Variants in FAM83H observed in about 807,000 individuals in gnomAD.
FAM83H encodes scaffolding CK1 anchoring protein H, also known as protein FAM83H.
FAM83H carries 24 observed loss-of-function variants against 30.2 expected under a neutral mutation model. The ratio of observed to expected loss-of-function variants is 0.79; its 90% CI spans 0.57 to 1.12. The LOEUF (loss-of-function observed/expected upper bound fraction) is 1.12. Among genes scored for constraint, FAM83H ranks in the 50% most tolerant of loss-of-function variants. FAM83H has a pLI of 0.00. For missense variants in FAM83H, 2,038 were observed against 1,773.9 expected, an observed-to-expected ratio of 1.15 and a Z score of -2.67; for synonymous variants, 1,013 against 821.7, an observed-to-expected ratio of 1.23 and a Z score of -3.98.
chr8:143,727,934 G>A lies in FAM83H; in HGVS notation c.1527C>T (p.Asp509=), dbSNP rs1554622980. ...ELGPDGHQRL[D]YVPSSASREV... ...CGCGGGACGCGCTGGACGGCACGTA[G>A]TCCAGCCGCTGGTGCCCGTCGGGTC... Residue 509 remains aspartate, a synonymous_variant, in exon 5 of 5, where the codon GAC becomes GAT. Coordinates refer to ENST00000388913, the MANE Select transcript of FAM83H (RefSeq NM_198488.5). The A allele has an allele frequency of 1.9e-6, 3 of 1,540,666 alleles. No individual in the cohort carries two copies. In the South Asian group the frequency reaches 3.5e-5, roughly 18 times the overall value.
intron 2 of FAM83H, 66 bp downstream of exon 2, chr8:143,730,070 C>A: frequency 7.3e-7 from 1 of 1,368,640 alleles, no homozygotes; most frequent in Non-Finnish European, 9.7e-7. Flanking sequence ...GCTCATGCAT[C>A]TCCTCCACCC....
In FAM83H at chr8:143,726,415, C is replaced by A; in HGVS notation, c.3046G>T (p.Glu1016Ter). ...GACAGGCGCGCCCGCGGACCCCGCTCTTCTGTGGCAGCCTCCGTGCTGTCA... is the reference window on the plus strand; with the variant it reads ...GACAGGCGCGCCCGCGGACCCCGCTATTCTGTGGCAGCCTCCGTGCTGTCA... ...QGDSTEAATE[E>*]RGPRARLSSA... Residue 1016 changes from glutamate to a stop codon, truncating the protein, a stop_gained, in exon 5 of 5, where the codon GAG becomes TAG. Coordinates refer to ENST00000388913, the MANE Select transcript of FAM83H (RefSeq NM_198488.5). LOFTEE classifies it high-confidence loss of function. The A allele has an allele frequency of 6.2e-7, 1 of 1,604,866 alleles. No individual in the cohort carries two copies.
chr8:143,731,706 C>T (rs1818527121), intron 1 of FAM83H: 17 of 985,494 alleles, frequency 1.7e-5, no homozygotes, highest in Non-Finnish European at 2.0e-5. Flanking sequence ...ATCTGGCTCT[C>T]CACTTGCTCA....
Position 143,725,762 on chromosome 8 carries a change from C to G in FAM83H, c.*159G>C. 2 of 1,298,146 alleles carry G rather than the reference C, an allele frequency of 1.5e-6. No homozygotes were observed. Among genetic ancestry groups the G allele is most frequent in the Non-Finnish European group, 2.1e-6 (2 of 953,526 alleles). The allele number at this position is 1,298,146 out of a possible 1,614,324, so 80.4% of individuals were successfully genotyped here. A position where few individuals can be genotyped will look rare whatever the true frequency, so the allele number is the denominator to read the frequency against. ...AGACGGCAGCTGCCAGGTGAGCCTC[C>G]AGTGGAGCCGAGGTCTGGCGCACTC... is the stretch of plus-strand genomic sequence containing the variant. On this transcript the variant is annotated 3_prime_UTR_variant, in exon 5 of 5. Transcript: ENST00000388913.
rs782059434 is a variant in FAM83H, at chr8:143,728,123, G to T, written c.1338C>A (p.Ser446Arg). Residue 446 changes from serine to arginine, a missense_variant, in exon 5 of 5, where the codon AGC (serine) becomes AGA (arginine). Transcript: ENST00000388913. ...SHGDDFRFQT[S>R]HFHRDQLYQQ... ...GGTAGAGCTGGTCACGGTGGAAGTG[G>T]CTGGTCTGGAAGCGGAAGTCGTCGC... is the stretch of plus-strand genomic sequence containing the variant. 2 of 1,610,692 alleles carry T rather than the reference G, an allele frequency of 1.2e-6. No individual in the cohort carries two copies. The highest frequency in any genetic ancestry group is 1.1e-5 in the South Asian group (1 of 91,034).
chr8:143,730,331 G>T lies in FAM83H; in HGVS notation c.252C>A (p.Leu84=), dbSNP rs782631452. 1.9e-6 allele frequency: 3 copies of T among 1,613,672 alleles called. No individual in the cohort carries two copies. Among genetic ancestry groups the T allele is most frequent in the Non-Finnish European group, 1.7e-6 (2 of 1,180,040 alleles). ...VTREPPEGSL[L]DVDMDGSSGT... is the part of the protein sequence containing the mutation. ...CCGAGGAGCCATCCATGTCCACGTC[G>T]AGAAGGCTGCCTTCAGGTGGCTCTC... is the stretch of plus-strand genomic sequence containing the variant. Residue 84 remains leucine (L), a synonymous_variant, in exon 2 of 5, where the codon CTC becomes CTA. Coordinates refer to ENST00000388913, the MANE Select transcript of FAM83H (RefSeq NM_198488.5).
chr8:143,726,067 C>A lies in FAM83H; in HGVS notation c.3394G>T (p.Val1132Leu). The change falls in exon 5 of 5, where the codon GTG (valine) becomes TTG (leucine). Residue 1132 changes from valine (V) to leucine (L), a missense_variant. Coordinates refer to ENST00000388913, the MANE Select transcript of FAM83H (RefSeq NM_198488.5). Reference sequence around the variant, plus strand: ...CAGAAGACCTCGAAGCGGCTGTACACGCGCTTCTCCTTGCGCATGCTCTCC... The same window carrying A: ...CAGAAGACCTCGAAGCGGCTGTACAAGCGCTTCTCCTTGCGCATGCTCTCC... ...RMESMRKEKRVYSRFEVFCKK... is the reference protein window; with the variant it reads ...RMESMRKEKRLYSRFEVFCKK... The A allele has an allele frequency of 6.2e-7, 1 of 1,612,208 alleles. No homozygotes were observed. Among genetic ancestry groups the A allele is most frequent in the Non-Finnish European group, 8.5e-7 (1 of 1,179,718 alleles).
In FAM83H at chr8:143,726,634, C is replaced by G; in HGVS notation, c.2827G>C (p.Gly943Arg). 1.9e-6 allele frequency: 3 copies of G among 1,598,450 alleles called. No homozygotes were observed. The highest frequency in any genetic ancestry group is 2.5e-6 in the Non-Finnish European group (3 of 1,177,822). Reference protein sequence around the residue: ...RRGSLTLTISGESPKAGPAEE... With the variant: ...RRGSLTLTISRESPKAGPAEE... ...GCGGGCCCGGCCTTCGGGGACTCCC[C>G]GGAGATGGTAAGGGTGAGGCTGCCC... The change falls in exon 5 of 5, where the codon GGG becomes CGG. Residue 943 changes from glycine to arginine, a missense_variant. Coordinates refer to ENST00000388913, the MANE Select transcript of FAM83H (RefSeq NM_198488.5).
rs953340467 is a variant in FAM83H, at chr8:143,730,474, C to T, written c.109G>A (p.Glu37Lys). 6.2e-6 allele frequency: 10 copies of T among 1,609,716 alleles called. No homozygotes were observed. The highest frequency in any genetic ancestry group is 1.7e-4 in the Middle Eastern group (1 of 6,040). ...CGGCTGTAGGCCTCCGAGCCACCCT[C>T]GGCCAGTGCATCCACCGCCAGGCGG... is the stretch of plus-strand genomic sequence containing the variant. ...YYRLAVDALAEGGSEAYSRFL... is the reference protein window; with the variant it reads ...YYRLAVDALAKGGSEAYSRFL... The change falls in exon 2 of 5, where the codon GAG becomes AAG. Residue 37 changes from glutamate to lysine, a missense_variant. Glu to Lys is a moderately conservative substitution (Grantham distance 56, BLOSUM62 1). Transcript: ENST00000388913.
chr8:143,730,604 G>A lies in FAM83H; in HGVS notation c.-15-7C>T, dbSNP rs781832052. ...CCATGTTGGGGCCAGGGGCCTGGAG[G>A]GGCAGGGAGACACATGACTAGGGGT... is the stretch of plus-strand genomic sequence containing the variant. On this transcript the variant is annotated splice_region_variant and splice_polypyrimidine_tract_variant and intron_variant, in intron 1 of 4. Coordinates refer to ENST00000388913, the MANE Select transcript of FAM83H (RefSeq NM_198488.5). The A allele has an allele frequency of 2.6e-6, 4 of 1,517,680 alleles. No individual in the cohort carries two copies. The highest frequency in any genetic ancestry group is 2.8e-5 in the African/African-American group (2 of 72,632). The allele number at this position is 1,517,680 out of a possible 1,614,324, so 94.0% of individuals were successfully genotyped here.
rs1252497581 is a variant in FAM83H at position 143,727,199 on chromosome 8, G to A, written c.2262C>T (p.Ala754=). ...CCTTGCTGTGGCTGGCAACGGTGAT[G>A]GCGCCCGCGCCGCCGCCGGGATCAC... is the stretch of plus-strand genomic sequence containing the variant. ...PARDPGGGAG[A]ITVASHSKAV... Residue 754 remains alanine (A), a synonymous_variant, in exon 5 of 5, where the codon GCC becomes GCT. Transcript: ENST00000388913. 1 of 1,533,212 alleles carries A rather than the reference G, an allele frequency of 6.5e-7. No homozygotes were observed. Among genetic ancestry groups the A allele is most frequent in the Admixed American group, 2.0e-5 (1 of 50,852 alleles). 95.0% of individuals were successfully genotyped at this position (1,533,212 alleles called of 1,614,324 possible).
chr8:143,727,341 T>A lies in FAM83H; in HGVS notation c.2120A>T (p.Gln707Leu), dbSNP rs1554622509. 1 of 1,565,690 alleles carries A rather than the reference T, an allele frequency of 6.4e-7. No homozygotes were observed. The highest frequency in any genetic ancestry group is 2.3e-5 in the East Asian group (1 of 43,230). Reference sequence around the variant, plus strand: ...GACCGTCTGCTCCTTGTGCAGCAGCTGCACCTTCTCAGTGGCCGCCGCAGC... The same window carrying A: ...GACCGTCTGCTCCTTGTGCAGCAGCAGCACCTTCTCAGTGGCCGCCGCAGC... ...AGAAAATEKV[Q>L]LLHKEQTVSE... The change falls in exon 5 of 5, where the codon CAG becomes CTG. Residue 707 changes from glutamine (Q) to leucine (L), a missense_variant. Gln to Leu is a moderately radical substitution (Grantham distance 113, BLOSUM62 -2). Coordinates refer to ENST00000388913, the MANE Select transcript of FAM83H (RefSeq NM_198488.5).
In FAM83H at chr8:143,726,408, C is replaced by T. The variant is rs781992350; in HGVS notation, c.3053G>A (p.Gly1018Asp). ...DSTEAATEER[G>D]PRARLSSATA... ...GGCTGAGGACAGGCGCGCCCGCGGA[C>T]CCCGCTCTTCTGTGGCAGCCTCCGT... Residue 1018 changes from glycine (G) to aspartate (D), a missense_variant, in exon 5 of 5, where the codon GGT (glycine) becomes GAT (aspartate). Gly to Asp is a moderately conservative substitution (Grantham distance 94). Coordinates refer to ENST00000388913, the MANE Select transcript of FAM83H (RefSeq NM_198488.5). 5 of 1,605,232 alleles carry T rather than the reference C, an allele frequency of 3.1e-6. No homozygotes were observed. Among genetic ancestry groups the T allele is most frequent in the African/African-American group, 1.3e-5 (1 of 74,822 alleles).
chr8:143,733,764 C>A lies in FAM83H; in HGVS notation c.-89G>T. ...CCGCCCAGCGGCCTCGCGGTCCGGT[C>A]GGTCCGGCAGCCACTCCCTGCCGCG... On this transcript the variant is annotated 5_prime_UTR_variant, in exon 1 of 5. Coordinates refer to ENST00000388913, the MANE Select transcript of FAM83H (RefSeq NM_198488.5). This position sits in a 1 kb window ranked among gnomAD's most constrained non-coding sequence, Gnocchi z 5.6. 1 of 149,132 alleles carries A rather than the reference C, an allele frequency of 6.7e-6. No individual in the cohort carries two copies. Among genetic ancestry groups the A allele is most frequent in the South Asian group, 2.0e-4 (1 of 4,906 alleles). The allele number at this position is 149,132 out of a possible 1,614,324, so 9.2% of individuals were successfully genotyped here.
intron 1 of FAM83H, chr8:143,732,431 C>T (rs547309896): frequency 2.6e-5 from 26 of 985,366 alleles, no homozygotes; most frequent in Middle Eastern, 5.2e-4. Flanking sequence ...TCTGTAGGGG[C>T]GGTGTCTGAC....
chr8:143,726,351 C>T lies in FAM83H; in HGVS notation c.3110G>A (p.Arg1037Gln), dbSNP rs1166590829. The change falls in exon 5 of 5, where the codon CGG becomes CAG. Residue 1037 changes from arginine to glutamine, a missense_variant. Transcript: ENST00000388913. Reference protein sequence around the residue: ...TANALYSSNLRDDTKAILEQI... With the variant: ...TANALYSSNLQDDTKAILEQI... Reference sequence around the variant, plus strand: ...CTCCAGAATGGCCTTCGTGTCATCCCGAAGGTTGCTGCTGTACAAGGCGTT... The same window carrying T: ...CTCCAGAATGGCCTTCGTGTCATCCTGAAGGTTGCTGCTGTACAAGGCGTT... 1.9e-6 allele frequency: 3 copies of T among 1,611,660 alleles called. No homozygotes were observed. Among genetic ancestry groups the T allele is most frequent in the Non-Finnish European group, 2.5e-6 (3 of 1,179,672 alleles).
Position 143,725,982 on chromosome 8 carries a change from C to G in FAM83H, c.3479G>C (p.Arg1160Thr), listed in dbSNP as rs2129654249. ...AGEGPAEEGT[R>T]DSKVGKFVPK... ...CACGAACTTGCCCACCTTGCTGTCC[C>G]TGGTGCCCTCCTCCGCGGGGCCTTC... The change falls in exon 5 of 5, where the codon AGG becomes ACG. Residue 1160 changes from arginine (R) to threonine (T), a missense_variant. Physicochemically the swap from Arg to Thr is moderately conservative, Grantham distance 71 (BLOSUM62 -1). Transcript: ENST00000388913. 6.2e-7 allele frequency: 1 copy of G among 1,613,070 alleles called. No homozygotes were observed. The highest frequency in any genetic ancestry group is 8.5e-7 in the Non-Finnish European group (1 of 1,179,956).
At position 143,732,776 on chromosome 8, in the gene FAM83H, C is replaced by G. The variant is rs1355089325; in HGVS notation, c.-16+915G>C. On this transcript the variant is annotated intron_variant, in intron 1 of 4. Transcript: ENST00000388913. ...ATGGAGCACCCCAGTGGCCTGCATG[C>G]CCACACATTTGCCTACCAAACGTCT... is the stretch of plus-strand genomic sequence containing the variant. The G allele has an allele frequency of 3.1e-6, 3 of 976,398 alleles. No homozygotes were observed. In the Admixed American group the frequency reaches 1.8e-4, roughly 60 times the overall value. 60.5% of individuals were successfully genotyped at this position (976,398 alleles called of 1,614,324 possible). A position where few individuals can be genotyped will look rare whatever the true frequency, so the allele number is the denominator to read the frequency against.
At position 143,730,417 on chromosome 8, in the gene FAM83H, G is replaced by A. The variant is rs782609432; in HGVS notation, c.166C>T (p.Leu56=). 6.2e-7 allele frequency: 1 copy of A among 1,613,104 alleles called. No individual in the cohort carries two copies. Among genetic ancestry groups the A allele is most frequent in the South Asian group, 1.1e-5 (1 of 91,088 alleles). ...ACATGTTCCAGCTCTTCAGGGCACA[G>A]GAAGTCTGGTGCCCCCTCGGTAGCG... ...FLATEGAPDF[L]CPEELEHVSR... is the part of the protein sequence containing the mutation. Residue 56 remains leucine, a synonymous_variant, in exon 2 of 5, where the codon CTG becomes TTG. Coordinates refer to ENST00000388913, the MANE Select transcript of FAM83H (RefSeq NM_198488.5).
Sources: allele counts gnomAD v4.1 joint callset, GRCh38; gene constraint gnomAD v4.1.1; non-coding constraint Gnocchi (gnomAD v3.1); transcripts MANE v1.5; gene names NCBI Gene and HGNC (gene_info 2026-07-23, HGNC 2026-07-21).